Variants in CCDC190 observed in about 807,000 individuals in gnomAD.
The protein encoded by CCDC190 is coiled-coil domain-containing protein 190.
A neutral mutation model predicts 13.1 loss-of-function variants in CCDC190; 10 were observed. The ratio of observed to expected loss-of-function variants is 0.77; its 90% CI spans 0.47 to 1.30. The LOEUF (loss-of-function observed/expected upper bound fraction) is 1.30. CCDC190 is among the 50% of genes most tolerant of loss of function. CCDC190 has a pLI of 0.00. For synonymous variants in CCDC190, 136 were observed against 127.2 expected (o/e 1.07, Z -0.47); for missense variants, 375 against 354.3 (o/e 1.06, Z -0.47).
At chr1:162,857,216 C>A (rs1440014658) in intron 2 of CCDC190, among the ~76,000 whole-genome samples, 1 of 152,298 alleles carries the variant, frequency 6.6e-6, no homozygotes, top group South Asian at 2.1e-4. Context: ...CTTCACCTGA[C>A]CAATGCCCTA....
At chr1:162,864,217 G>A (rs1309029461), upstream of CCDC190, among the ~76,000 whole-genome samples, 1 of 151,986 alleles carries the variant, frequency 6.6e-6, no homozygotes, top group Non-Finnish European at 1.5e-5. Context: ...GAAGATAGTG[G>A]AGCAAAACTT....
At chr1:162,863,487 G>GA (rs1296173464), upstream of CCDC190, among the ~76,000 whole-genome samples, 1 of 102,834 alleles carries the variant, frequency 9.7e-6, no homozygotes, top group Non-Finnish European at 2.3e-5. Context: ...TAAAAAAGCA[G>GA]AAAAAATTCA....
chr1:162,868,829 C>T (rs960539955), upstream of CCDC190: 1 of 152,460 alleles, frequency 6.6e-6, no homozygotes, highest in East Asian at 1.9e-4. Flanking sequence ...GGGAAATGTC[C>T]AGCTGAACTT....
chr1:162,861,437 AT>A (rs112152644), upstream of CCDC190, among the ~76,000 whole-genome samples: 2,176 of 142,420 alleles, frequency 0.015, 48 homozygotes, highest in African/African-American at 0.05. Context: ...GTTTCTCTCC[AT>A]TTTTTTTTTT....
chr1:162,855,504 A>G lies in CCDC190; in HGVS notation c.311+128T>C, dbSNP rs536438255. The G allele has an allele frequency of 1.8e-5, 27 of 1,485,992 alleles. 1 individual carries two copies. In the South Asian group the frequency reaches 3.5e-4, roughly 19 times the overall value. 92.1% of individuals were successfully genotyped at this position (1,485,992 alleles called of 1,614,324 possible). A position where few individuals can be genotyped will look rare whatever the true frequency, so the allele number is the denominator to read the frequency against. On this transcript the variant is annotated intron_variant, in intron 3 of 3. Transcript: ENST00000367912. Reference sequence around the variant, plus strand: ...GGGGTGGAGGGTGAAACTGAGTAGTAACAATGCAGGGAAAATGTCTCACTT... The same window carrying G: ...GGGGTGGAGGGTGAAACTGAGTAGTGACAATGCAGGGAAAATGTCTCACTT...
intron 2 of CCDC190, among the ~76,000 whole-genome samples, chr1:162,858,036 AT>A: frequency 6.6e-6 from 1 of 152,238 alleles, no homozygotes; most frequent in Non-Finnish European, 1.5e-5. Flanking sequence ...TTGAATCTCA[AT>A]AACAATTCCA....
intron 2 of CCDC190, chr1:162,856,038 A>G (rs746336808): frequency 3.8e-5 from 9 of 238,972 alleles, no homozygotes; most frequent in Non-Finnish European, 6.5e-5. Flanking sequence ...GGCCTGAAAC[A>G]GAGCCTGCCC....
chr1:162,858,538 C>G (rs1650389960), intron 2 of CCDC190, among the ~76,000 whole-genome samples: 1 of 152,180 alleles, frequency 6.6e-6, no homozygotes, highest in Non-Finnish European at 1.5e-5. Context: ...GGCTGTTACT[C>G]TTGGCCTTTA....
At position 162,854,882 on chromosome 1, in the gene CCDC190, G is replaced by A; in HGVS notation, c.789C>T (p.Pro263=). The A allele has an allele frequency of 1.2e-6, 2 of 1,614,012 alleles. No homozygotes were observed. Among genetic ancestry groups the A allele is most frequent in the Non-Finnish European group, 1.7e-6 (2 of 1,179,884 alleles). ...RNAHYLRHRV[P]PESERLLSIG... is the part of the protein sequence containing the mutation. Reference sequence around the variant, plus strand: ...TGCTAAGCAACCTCTCAGACTCAGGGGGGACCCTGTGCCGGAGATAATGGG... The same window carrying A: ...TGCTAAGCAACCTCTCAGACTCAGGAGGGACCCTGTGCCGGAGATAATGGG... The change falls in exon 4 of 4, where the codon CCC becomes CCT. Residue 263 remains proline, a synonymous_variant. Coordinates refer to ENST00000367912, the MANE Select transcript of CCDC190 (RefSeq NM_001394065.1).
In CCDC190 at chr1:162,853,638, T is replaced by C. The variant is rs914801152; in HGVS notation, c.*1127A>G. On this transcript the variant is annotated 3_prime_UTR_variant, in exon 4 of 4. Coordinates refer to ENST00000367912, the MANE Select transcript of CCDC190 (RefSeq NM_001394065.1). Reference sequence around the variant, plus strand: ...ATCATTTCTGAGCTAAATAATCTTGTTTCATCAAAATATCCCAGGCTGGGT... The same window carrying C: ...ATCATTTCTGAGCTAAATAATCTTGCTTCATCAAAATATCCCAGGCTGGGT... 6.6e-6 allele frequency among the ~76,000 whole-genome samples: 1 copy of C among 152,196 alleles called. No homozygotes were observed. Among genetic ancestry groups the C allele is most frequent in the African/African-American group, 2.4e-5 (1 of 41,450 alleles).
intron 2 of CCDC190, among the ~76,000 whole-genome samples, chr1:162,858,184 A>C (rs1650373361): frequency 6.6e-6 from 1 of 152,224 alleles, no homozygotes; most frequent in Admixed American, 6.5e-5. Context: ...GACTTCCCAA[A>C]GGACATGGAG....
At chr1:162,862,007 T>C (rs1369798825), upstream of CCDC190, among the ~76,000 whole-genome samples, 2 of 152,088 alleles carry the variant, frequency 1.3e-5, no homozygotes. Context: ...ATTTTCTCAG[T>C]GGGAGGTAGT....
At position 162,854,683 on chromosome 1, in the gene CCDC190, C is replaced by G; in HGVS notation, c.*82G>C. On this transcript the variant is annotated 3_prime_UTR_variant, in exon 4 of 4. Coordinates refer to ENST00000367912, the MANE Select transcript of CCDC190 (RefSeq NM_001394065.1). ...TTCAATTATGTTTGTTTGTTTTTCTCTGTATTGCTTAATATAGTCATTTGA... is the reference window on the plus strand; with the variant it reads ...TTCAATTATGTTTGTTTGTTTTTCTGTGTATTGCTTAATATAGTCATTTGA... 1 of 1,484,514 alleles carries G rather than the reference C, an allele frequency of 6.7e-7. No homozygotes were observed. The highest frequency in any genetic ancestry group is 2.4e-5 in the Admixed American group (1 of 42,460). The allele number at this position is 1,484,514 out of a possible 1,614,324, so 92.0% of individuals were successfully genotyped here. A position where few individuals can be genotyped will look rare whatever the true frequency, so the allele number is the denominator to read the frequency against.
At chr1:162,856,177 A>G (rs566743664) in intron 2 of CCDC190, among the ~76,000 whole-genome samples, 107 of 152,364 alleles carry the variant, frequency 7.0e-4, no homozygotes, top group African/African-American at 2.5e-3. Context: ...TGGCAGCCCT[A>G]GAAAACTAAT....
At chr1:162,855,410 T>G in intron 3 of CCDC190, 51 bp from the exon 4 acceptor site, 1 of 1,533,022 alleles carries the variant, frequency 6.5e-7, no homozygotes, top group Non-Finnish European at 8.7e-7. Flanking sequence ...AAAAGGCTCT[T>G]CTTTAGACCT....
intron 1 of CCDC190, among the ~76,000 whole-genome samples, chr1:162,867,169 A>T (rs1004653389): frequency 6.6e-6 from 1 of 152,122 alleles, no homozygotes; most frequent in South Asian, 2.1e-4. Context: ...GCAAGCAAGA[A>T]CCTGTTGGAA....
rs766428122 is a variant in CCDC190, at chr1:162,855,134, T to A, written c.537A>T (p.Gln179His). ...TGGTGTTGGTGGAAACCTCTTGATT[T>A]TGGCATGGAACAGAGATGCCCTTGC... ...DPSKGISVPC[Q>H]NQEVSTNTIE... Residue 179 changes from glutamine to histidine, a missense_variant, in exon 4 of 4, where the codon CAA becomes CAT. Physicochemically the swap from Gln to His is conservative, Grantham distance 24. Coordinates refer to ENST00000367912, the MANE Select transcript of CCDC190 (RefSeq NM_001394065.1). The A allele has an allele frequency of 1.9e-6, 3 of 1,613,812 alleles. No homozygotes were observed. In the South Asian group the frequency reaches 3.3e-5, roughly 18 times the overall value.
In CCDC190 at chr1:162,854,244, C is replaced by G. The variant is rs1650206386; in HGVS notation, c.*521G>C. 1 of 985,308 alleles carries G rather than the reference C, an allele frequency of 1.0e-6. No individual in the cohort carries two copies. Among genetic ancestry groups the G allele is most frequent in the Non-Finnish European group, 1.2e-6 (1 of 830,010 alleles). The allele number at this position is 985,308 out of a possible 1,614,324, so 61.0% of individuals were successfully genotyped here. A position where few individuals can be genotyped will look rare whatever the true frequency, so the allele number is the denominator to read the frequency against. On this transcript the variant is annotated 3_prime_UTR_variant, in exon 4 of 4. Coordinates refer to ENST00000367912, the MANE Select transcript of CCDC190 (RefSeq NM_001394065.1). ...TGGGAGGGTGAAAACTAAAATGGAGCTATCTGTAAATAAAGGAAGGAAGGA... is the reference window on the plus strand; with the variant it reads ...TGGGAGGGTGAAAACTAAAATGGAGGTATCTGTAAATAAAGGAAGGAAGGA...
chr1:162,864,165 A>G (rs1268950908), upstream of CCDC190, among the ~76,000 whole-genome samples: 7 of 152,172 alleles, frequency 4.6e-5, no homozygotes, highest in Non-Finnish European at 1.0e-4. Flanking sequence ...GAGGAACACA[A>G]TAAGAATTAC....
Sources: allele counts gnomAD v4.1 joint callset (sites outside exome capture counted in the v4.1 genomes callset), GRCh38; gene constraint gnomAD v4.1.1; transcripts MANE v1.5; gene names NCBI Gene and HGNC (gene_info 2026-07-23, HGNC 2026-07-21).